The following NR1H4 variants were observed in gnomAD, a reference collection of about 807,000 sequenced individuals.
The protein encoded by NR1H4 is bile acid receptor.
NR1H4 carries 23 observed loss-of-function variants against 58.5 expected under a neutral mutation model. That is an observed-to-expected ratio of 0.39 (90% confidence interval 0.28 to 0.56). NR1H4 has a LOEUF of 0.56. Among genes scored for constraint, NR1H4 ranks in the 20% least tolerant of loss-of-function variants. NR1H4 has a pLI of 0.58. For missense variants in NR1H4, 487 were observed against 576.9 expected (o/e 0.84, Z 1.60); for synonymous variants, 214 against 198.0 (o/e 1.08, Z -0.68).
chr12:100,525,027 TA>T (rs1954521862), intron 4 of NR1H4, among the ~76,000 whole-genome samples: 2 of 152,150 alleles, frequency 1.3e-5, no homozygotes, highest in African/African-American at 2.4e-5. Context: ...ACTCATCAGT[TA>T]TTTTGGAGAC....
rs149076016 is a variant in NR1H4, at chr12:100,557,198, G to A, written c.1079-4687G>A. ...CTGTGCAAGCATGACACCAGCATCT[G>A]CTCAGCTTCTGGGGAAGCCCCAGGG... On this transcript the variant is annotated intron_variant, in intron 9 of 10. Transcript: ENST00000392986. Among the ~76,000 whole-genome samples the A allele has an allele frequency of 9.7e-4, 147 of 152,300 alleles. 1 individual carries two copies. Among genetic ancestry groups the A allele is most frequent in the African/African-American group, 3.3e-3 (136 of 41,562 alleles).
At chr12:100,550,263 G>A (rs554917879) in intron 9 of NR1H4, among the ~76,000 whole-genome samples, 3 of 152,002 alleles carry the variant, frequency 2.0e-5, no homozygotes, top group Non-Finnish European at 4.4e-5. Context: ...ACAAACTAGG[G>A]GTTTAAGTTG....
chr12:100,542,114 G>C (rs910534469), intron 9 of NR1H4, among the ~76,000 whole-genome samples: 2 of 152,060 alleles, frequency 1.3e-5, no homozygotes, highest in African/African-American at 4.8e-5. Context: ...GGGAGGCAGA[G>C]GGGGGTGGAT....
intron 4 of NR1H4, among the ~76,000 whole-genome samples, chr12:100,523,350 G>A (rs986285769): frequency 6.6e-6 from 1 of 152,028 alleles, no homozygotes; most frequent in Non-Finnish European, 1.5e-5. Flanking sequence ...ATTTGTATGT[G>A]TTCTTTTGAG....
chr12:100,545,641 C>CAAAAAAA (rs35404680), intron 9 of NR1H4, among the ~76,000 whole-genome samples: 4 of 7,870 alleles, frequency 5.1e-4, no homozygotes, highest in African/African-American at 1.6e-3. Flanking sequence ...GACCTTGTCT[C>CAAAAAAA]AAAAAAAAAA....
chr12:100,533,001 C>A (rs907831586), intron 5 of NR1H4, among the ~76,000 whole-genome samples: 2 of 152,116 alleles, frequency 1.3e-5, no homozygotes, highest in Non-Finnish European at 2.9e-5. Flanking sequence ...AATGAGAATG[C>A]TTTATAAGGT....
At chr12:100,523,814 GTCTAT>G (rs1404010511) in intron 4 of NR1H4, among the ~76,000 whole-genome samples, 4 of 152,134 alleles carry the variant, frequency 2.6e-5, no homozygotes. Flanking sequence ...GTATGCCGGA[GTCTAT>G]TCTAAGCATA....
chr12:100,554,316 C>T (rs184443969), intron 9 of NR1H4, among the ~76,000 whole-genome samples: 2 of 151,766 alleles, frequency 1.3e-5, no homozygotes, highest in African/African-American at 4.8e-5. Flanking sequence ...ATCTTGAGGA[C>T]GTCATCAGAA....
intron 3 of NR1H4, chr12:100,503,573 G>T: frequency 7.2e-7 from 1 of 1,390,760 alleles, no homozygotes; most frequent in Non-Finnish European, 9.5e-7. Flanking sequence ...TTTGGTTGGA[G>T]ATGACAGTAA....
At chr12:100,561,397 CAAAA>C (rs530418565) in intron 9 of NR1H4, among the ~76,000 whole-genome samples, 4 of 150,868 alleles carry the variant, frequency 2.7e-5, no homozygotes, top group South Asian at 2.1e-4. Flanking sequence ...GACTCCATCT[CAAAA>C]AAAATAAAAT....
chr12:100,499,244 G>A (rs1358177900), intron 3 of NR1H4, among the ~76,000 whole-genome samples: 1 of 152,178 alleles, frequency 6.6e-6, no homozygotes, highest in Non-Finnish European at 1.5e-5. Context: ...CCATCTCACT[G>A]AGTTCAACTC....
At chr12:100,532,958 T>A (rs1954730659) in intron 5 of NR1H4, among the ~76,000 whole-genome samples, 1 of 152,206 alleles carries the variant, frequency 6.6e-6, no homozygotes, top group African/African-American at 2.4e-5. Flanking sequence ...ATTTATTGCT[T>A]AATTAGCATA....
chr12:100,511,711 C>T (rs1261275740), intron 4 of NR1H4, among the ~76,000 whole-genome samples: 1 of 151,810 alleles, frequency 6.6e-6, no homozygotes, highest in Non-Finnish European at 1.5e-5. Flanking sequence ...CACCTGAGAT[C>T]AGGAGTTCAA....
intron 4 of NR1H4, among the ~76,000 whole-genome samples, chr12:100,527,892 GATA>G (rs927574441): frequency 5.3e-5 from 8 of 152,200 alleles, no homozygotes; most frequent in African/African-American, 1.4e-4. Context: ...AAAAGAAAGA[GATA>G]ATAGTAGTAT....
intron 1 of NR1H4, among the ~76,000 whole-genome samples, chr12:100,482,378 G>A (rs2136075726): frequency 6.6e-6 from 1 of 152,168 alleles, no homozygotes; most frequent in East Asian, 1.9e-4. Flanking sequence ...TATGGCCTAA[G>A]CAAGACTGAT....
chr12:100,478,452 A>G (rs1953314520), intron 1 of NR1H4, among the ~76,000 whole-genome samples: 1 of 152,210 alleles, frequency 6.6e-6, no homozygotes, highest in Non-Finnish European at 1.5e-5. Context: ...TAATTGGCAA[A>G]GTTGAGGACA....
intron 1 of NR1H4, 71 bp downstream of exon 1, chr12:100,474,130 G>A (rs1206737664): frequency 1.3e-5 from 2 of 152,032 alleles, no homozygotes; most frequent in Non-Finnish European, 2.9e-5. Flanking sequence ...TCACTTAAAA[G>A]TTTCTCTTTG....
chr12:100,501,961 C>A (rs773171577), intron 3 of NR1H4, among the ~76,000 whole-genome samples: 1 of 152,130 alleles, frequency 6.6e-6, no homozygotes, highest in Non-Finnish European at 1.5e-5. Flanking sequence ...TAGACTTAAG[C>A]TTGATGTACA....
intron 9 of NR1H4, among the ~76,000 whole-genome samples, chr12:100,553,311 A>G (rs1955249285): frequency 6.6e-6 from 1 of 152,170 alleles, no homozygotes; most frequent in Non-Finnish European, 1.5e-5. Flanking sequence ...TCCCACTCTT[A>G]TAAAATGTAT....
Sources: gnomAD v4.1 joint callset for allele counts (sites outside exome capture counted in the v4.1 genomes callset) on GRCh38, gnomAD v4.1.1 for gene constraint, MANE v1.5 for transcripts, NCBI Gene and HGNC (gene_info 2026-07-23, HGNC 2026-07-21) for gene names.